ADAD2: variants seen among roughly 807,000 people sequenced by gnomAD.
The protein encoded by ADAD2 is adenosine deaminase domain-containing protein 2.
In ADAD2, 60 loss-of-function variants were observed where a neutral mutation model predicts 54.5. The ratio of observed to expected loss-of-function variants is 1.10; its 90% CI spans 0.89 to 1.36. ADAD2 has a LOEUF of 1.36. Among genes scored for constraint, ADAD2 ranks in the 40% most tolerant of loss-of-function variants. ADAD2 has a pLI of 0.00. For synonymous variants in ADAD2, 543 were observed against 366.2 expected (o/e 1.48, Z -5.51); for missense variants, 1,103 against 801.3 (o/e 1.38, Z -4.54).
At position 84,194,446 on chromosome 16, in the gene ADAD2, C is replaced by T. The variant is rs781661145; in HGVS notation, c.423C>T (p.Pro141=). 3.7e-6 allele frequency: 6 copies of T among 1,604,472 alleles called. No homozygotes were observed. The highest frequency in any genetic ancestry group is 5.1e-6 in the Non-Finnish European group (6 of 1,179,076). Residue 141 remains proline, a synonymous_variant, in exon 2 of 10, where the codon CCC becomes CCT. Transcript: ENST00000315906. ...CTCACCTGGCTCCTTCCCCAGGTCC[C>T]TGCTTCCCCTTCTCGGTGAGCGCGG... The part of the protein sequence containing the change: ...LLFREDQPPG[P]CFPFSVSAEL...
Position 84,196,153 on chromosome 16 carries a change from C to CT in ADAD2, c.1310dup (p.Ser438GlufsTer43), listed in dbSNP as rs2089727191. ...TGACTCATGCCACGACCCTCCGACT[C>CT]TGAGCAGGGCCATCCACACCCGGCC... On this transcript the variant is annotated frameshift_variant, in exon 8 of 10. Coordinates refer to ENST00000315906, the MANE Select transcript of ADAD2 (RefSeq NM_001145400.2). LOFTEE classifies it high-confidence loss of function. 1 of 1,605,134 alleles carries CT rather than the reference C, an allele frequency of 6.2e-7. No individual in the cohort carries two copies. Among genetic ancestry groups the CT allele is most frequent in the Non-Finnish European group, 8.5e-7 (1 of 1,179,796 alleles).
At chr16:84,191,803 G>T in intron 1 of ADAD2, 155 bp downstream of exon 1, 1 of 1,110,896 alleles carries the variant, frequency 9.0e-7, no homozygotes. Context: ...TTGGGACCTT[G>T]GGGTGGACCC....
In ADAD2 at chr16:84,195,130, G is replaced by A. The variant is rs1597598793; in HGVS notation, c.669G>A (p.Leu223=). Residue 223 remains leucine, a synonymous_variant, in exon 4 of 10, where the codon CTG becomes CTA. Coordinates refer to ENST00000315906, the MANE Select transcript of ADAD2 (RefSeq NM_001145400.2). ...AALVSAGFDL[L]LDERSPYWAC... is the part of the protein sequence containing the mutation. The stretch of plus-strand genomic sequence containing the variant: ...TGGTGAGCGCCGGCTTTGACCTCCT[G>A]TTGGACGAGCGCTCGCCATACTGGG... 1.2e-6 allele frequency: 2 copies of A among 1,613,638 alleles called. No individual in the cohort carries two copies. Among genetic ancestry groups the A allele is most frequent in the Non-Finnish European group, 8.5e-7 (1 of 1,180,004 alleles).
chr16:84,191,290 T>A lies in ADAD2; in HGVS notation c.60T>A (p.Ala20=), dbSNP rs1250668003. The A allele has an allele frequency of 1.5e-5, 24 of 1,602,666 alleles. No individual in the cohort carries two copies. The highest frequency in any genetic ancestry group is 1.9e-5 in the Non-Finnish European group (22 of 1,174,576). The change falls in exon 1 of 10, where the codon GCT becomes GCA. Residue 20 remains alanine, a synonymous_variant. Coordinates refer to ENST00000315906, the MANE Select transcript of ADAD2 (RefSeq NM_001145400.2). ...DDGSRRKPRL[A]ASLQISPQPR... is the part of the protein sequence containing the mutation. ...GCAGTCGTAGGAAGCCCCGCCTGGC[T>A]GCATCGTTGCAGATCAGCCCCCAGC...
rs771462599 is a variant in ADAD2 at position 84,196,861 on chromosome 16, C to T, written c.1648-9C>T. 1 of 1,589,056 alleles carries T rather than the reference C, an allele frequency of 6.3e-7. No individual in the cohort carries two copies. Among genetic ancestry groups the T allele is most frequent in the East Asian group, 2.3e-5 (1 of 44,250 alleles). On this transcript the variant is annotated splice_polypyrimidine_tract_variant and intron_variant, in intron 9 of 9. Coordinates refer to ENST00000315906, the MANE Select transcript of ADAD2 (RefSeq NM_001145400.2). ...CTCCTCTCACCCCACCTCTCATCTC[C>T]CGCCCTAGGCTGGGCCCTACCAGGA...
At position 84,196,142 on chromosome 16, in the gene ADAD2, A is replaced by G. The variant is rs1407306510; in HGVS notation, c.1298A>G (p.Asp433Gly). 6.2e-7 allele frequency: 1 copy of G among 1,602,160 alleles called. No individual in the cohort carries two copies. The highest frequency in any genetic ancestry group is 1.3e-5 in the African/African-American group (1 of 74,398). ...TSLILADSCH[D>G]PPTLSRAIHT... The stretch of plus-strand genomic sequence containing the variant: ...TGCCCTGCAGCTGACTCATGCCACG[A>G]CCCTCCGACTCTGAGCAGGGCCATC... Residue 433 changes from aspartate (D) to glycine (G), a missense_variant, in exon 8 of 10, where the codon GAC becomes GGC. By Grantham distance (94) the Asp-to-Gly change is moderately conservative. Transcript: ENST00000315906.
chr16:84,194,869 C>A, intron 2 of ADAD2, 64 bp from the exon 3 acceptor site: 1 of 1,530,442 alleles, frequency 6.5e-7, no homozygotes, highest in East Asian at 2.3e-5. Flanking sequence ...GCCTCCTTGG[C>A]TTCCTGAGGG....
intron 1 of ADAD2, among the ~76,000 whole-genome samples, chr16:84,192,285 C>T (rs1015667107): frequency 6.6e-6 from 1 of 152,148 alleles, no homozygotes; most frequent in Non-Finnish European, 1.5e-5. Context: ...GCTGGGACTA[C>T]AGGTGGACTC....
At chr16:84,194,336 CATT>C in intron 1 of ADAD2, 103 bp from the exon 2 acceptor site, 1 of 1,543,762 alleles carries the variant, frequency 6.5e-7, no homozygotes, top group Non-Finnish European at 8.7e-7. Flanking sequence ...GTGAGGGTCT[CATT>C]ATTCTGACCG....
rs780515400 is a variant in ADAD2, at chr16:84,194,995, C to T, written c.607+15C>T. 1 of 1,543,856 alleles carries T rather than the reference C, an allele frequency of 6.5e-7. No individual in the cohort carries two copies. Among genetic ancestry groups the T allele is most frequent in the African/African-American group, 2.0e-5 (1 of 49,620 alleles). Reference sequence around the variant, plus strand: ...CCTGAGCGTAGGTAGGTGAGCATTCCCGGACCCAGGCTTGTAGTGTCGAGG... The same window carrying T: ...CCTGAGCGTAGGTAGGTGAGCATTCTCGGACCCAGGCTTGTAGTGTCGAGG... On this transcript the variant is annotated intron_variant, in intron 3 of 9. Transcript: ENST00000315906.
At chr16:84,195,780 C>A (rs760379963) in intron 6 of ADAD2, 35 bp from the exon 7 acceptor site, 1 of 1,565,676 alleles carries the variant, frequency 6.4e-7, no homozygotes, top group African/African-American at 1.4e-5. Context: ...GAAGAGCAGC[C>A]CTGAAGCTGA....
At chr16:84,194,360 C>T in intron 1 of ADAD2, 82 bp from the exon 2 acceptor site, 1 of 1,555,482 alleles carries the variant, frequency 6.4e-7, no homozygotes, top group East Asian at 2.3e-5. Flanking sequence ...TCCTCGATAT[C>T]AGGTGTCAGG....
Position 84,194,218 on chromosome 16 carries a change from T to C in ADAD2, c.419-224T>C, listed in dbSNP as rs754002204. 42 of 1,561,330 alleles carry C rather than the reference T, an allele frequency of 2.7e-5. 1 individual carries two copies. The highest frequency in any genetic ancestry group is 2.6e-4 in the East Asian group (11 of 41,814). On this transcript the variant is annotated intron_variant, in intron 1 of 9. Coordinates refer to ENST00000315906, the MANE Select transcript of ADAD2 (RefSeq NM_001145400.2). ...GTCACGCATCCCTGCTGTGGAGGAG[T>C]TGGGTGAGGACTTGGTTGAATCAGC...
At chr16:84,194,256 C>A in intron 1 of ADAD2, 186 bp from the exon 2 acceptor site, 1 of 1,553,536 alleles carries the variant, frequency 6.4e-7, no homozygotes, top group Non-Finnish European at 8.7e-7. Flanking sequence ...TGGGTCACAG[C>A]CTGCAGAGGC....
rs754092104 is a variant in ADAD2 at position 84,191,272 on chromosome 16, T to C, written c.42T>C (p.Arg14=). The C allele has an allele frequency of 1.3e-6, 2 of 1,597,672 alleles. No homozygotes were observed. The highest frequency in any genetic ancestry group is 1.3e-5 in the African/African-American group (1 of 74,640). The change falls in exon 1 of 10, where the codon CGT becomes CGC. Residue 14 remains arginine (R), a synonymous_variant. Transcript: ENST00000315906. ...AGGGCGCTGACGACGACGGCAGTCG[T>C]AGGAAGCCCCGCCTGGCTGCATCGT... ...ASQGADDDGS[R]RKPRLAASLQ...
In ADAD2 at chr16:84,195,627, A is replaced by AC; in HGVS notation, c.985dup (p.Leu329ProfsTer21). ...CCAGCCAGGGCCCGGACCCCCATTCACCCTCAAGCCCCGCGTCTTCCTGCA... is the reference window on the plus strand; with the variant it reads ...CCAGCCAGGGCCCGGACCCCCATTCACCCCTCAAGCCCCGCGTCTTCCTGCA... On this transcript the variant is annotated frameshift_variant, in exon 6 of 10. Transcript: ENST00000315906. LOFTEE classifies it high-confidence loss of function. 1 of 1,600,622 alleles carries AC rather than the reference A, an allele frequency of 6.2e-7. No individual in the cohort carries two copies. The highest frequency in any genetic ancestry group is 8.5e-7 in the Non-Finnish European group (1 of 1,174,566).
At position 84,191,380 on chromosome 16, in the gene ADAD2, G is replaced by A. The variant is rs1039888967; in HGVS notation, c.150G>A (p.Ala50=). 2.0e-6 allele frequency: 3 copies of A among 1,517,974 alleles called. No homozygotes were observed. Among genetic ancestry groups the A allele is most frequent in the African/African-American group, 1.4e-5 (1 of 71,076 alleles). 94.0% of individuals were successfully genotyped at this position (1,517,974 alleles called of 1,614,324 possible). ...CCTGGGGGCCCGCGCCCGCGCCCGC[G>A]ACGTATCGCGCGGAGGGCGGGTGGC... ...QSAWGPAPAP[A]TYRAEGGWPQ... Residue 50 remains alanine, a synonymous_variant, in exon 1 of 10, where the codon GCG becomes GCA. Transcript: ENST00000315906.
chr16:84,191,549 C>T lies in ADAD2; in HGVS notation c.319C>T (p.Pro107Ser), dbSNP rs866587923. The T allele has an allele frequency of 1.3e-6, 2 of 1,548,072 alleles. No homozygotes were observed. The highest frequency in any genetic ancestry group is 1.7e-6 in the Non-Finnish European group (2 of 1,146,704). ...VPVPPAGLSL[P>S]LKDPPASQAV... Reference sequence around the variant, plus strand: ...TGTGCCCCCAGCAGGGCTCAGCCTGCCGCTCAAAGACCCACCTGCCAGCCA... The same window carrying T: ...TGTGCCCCCAGCAGGGCTCAGCCTGTCGCTCAAAGACCCACCTGCCAGCCA... Residue 107 changes from proline (P) to serine (S), a missense_variant, in exon 1 of 10, where the codon CCG becomes TCG. Pro to Ser is a moderately conservative substitution (Grantham distance 74, BLOSUM62 -1). Transcript: ENST00000315906.
chr16:84,195,014 G>T (rs1178243930), intron 3 of ADAD2, 34 bp downstream of exon 3: 1 of 1,612,616 alleles, frequency 6.2e-7, no homozygotes, highest in South Asian at 1.1e-5. Flanking sequence ...GGCTTGTAGT[G>T]TCGAGGGGAG....
Sources: gnomAD v4.1 joint callset for allele counts (sites outside exome capture counted in the v4.1 genomes callset) on GRCh38, gnomAD v4.1.1 for gene constraint, MANE v1.5 for transcripts, NCBI Gene and HGNC (gene_info 2026-07-23, HGNC 2026-07-21) for gene names.